The following MEN1 variants were observed in gnomAD, a reference collection of about 807,000 sequenced individuals.
MEN1 encodes the protein menin 1, also known as menin.
A neutral mutation model predicts 58.0 loss-of-function variants in MEN1; 6 were observed. The observed-to-expected ratio is 0.10, with a 90% CI of 0.06 to 0.20. The LOEUF is 0.20. Ranked by LOEUF, MEN1 falls within the 10% of genes least tolerant of loss-of-function variation. The pLI is 1.00. For missense variants in MEN1, 492 were observed against 818.5 expected (o/e 0.60, Z 4.87); for synonymous variants, 346 against 350.7 (o/e 0.99, Z 0.15).
In MEN1 at chr11:64,803,922, C is replaced by T. The variant is rs972128957; in HGVS notation, c.*412G>A. On this transcript the variant is annotated 3_prime_UTR_variant, in exon 10 of 10. Coordinates refer to ENST00000450708, the MANE Select transcript of MEN1 (RefSeq NM_001370259.2). ...GGCTGAGTGGTCCTAGGCTCCCGGGCTGGAGGTGGGACCTGTGCTCCTTGG... is the reference window on the plus strand; with the variant it reads ...GGCTGAGTGGTCCTAGGCTCCCGGGTTGGAGGTGGGACCTGTGCTCCTTGG... 6 of 335,130 alleles carry T rather than the reference C, an allele frequency of 1.8e-5. No homozygotes were observed. Among genetic ancestry groups the T allele is most frequent in the Non-Finnish European group, 3.4e-5 (6 of 177,574 alleles). The allele number at this position is 335,130 out of a possible 1,614,324, so 20.8% of individuals were successfully genotyped here. A position where few individuals can be genotyped will look rare whatever the true frequency, so the allele number is the denominator to read the frequency against.
Position 64,810,129 on chromosome 11 carries a change from C to T in MEN1, c.-20G>A, listed in dbSNP as rs386134244. 390 of 675,228 alleles carry T rather than the reference C, an allele frequency of 5.8e-4. 2 individuals are homozygous for T. The African/African-American group carries it at 6.9e-3, about 12-fold the overall frequency. The allele number at this position is 675,228 out of a possible 1,614,324, so 41.8% of individuals were successfully genotyped here. ...CCCCATGGCGGCGGGCGGTGGGCGG[C>T]GGCCTGCAAGGCAAGCCGGGGGAGG... On this transcript the variant is annotated 5_prime_UTR_variant, in exon 2 of 10. Transcript: ENST00000450708.
At chr11:64,810,601 A>C, upstream of MEN1, 1 of 156,252 alleles carries the variant, frequency 6.4e-6, no homozygotes, top group Admixed American at 6.3e-5. Context: ...GGGTCGCACT[A>C]CCCGCCGGGA....
rs200517349 is a variant in MEN1 at position 64,806,223 on chromosome 11, G to A, written c.1049+9C>T. 1,600 of 1,613,942 alleles carry A rather than the reference G, an allele frequency of 9.9e-4. No individual in the cohort carries two copies. Among genetic ancestry groups the A allele is most frequent in the Non-Finnish European group, 1.3e-3 (1,476 of 1,179,988 alleles). On this transcript the variant is annotated intron_variant, in intron 7 of 9. Coordinates refer to ENST00000450708, the MANE Select transcript of MEN1 (RefSeq NM_001370259.2). ...GACAGGCTGCAGGCCCTAGTAGGGG[G>A]ATCCTCACTCCTGGATGACAGTGGC...
chr11:64,806,600 C>T (rs1008675156), intron 6 of MEN1, among the ~76,000 whole-genome samples: 1 of 152,066 alleles, frequency 6.6e-6, no homozygotes, highest in Non-Finnish European at 1.5e-5. Flanking sequence ...GCCTGCCCTC[C>T]GAGCTCAGGG....
At position 64,810,149 on chromosome 11, in the gene MEN1, G is replaced by T; in HGVS notation, c.-23-17C>A. The stretch of plus-strand genomic sequence containing the variant: ...GGCGGCGGCCTGCAAGGCAAGCCGG[G>T]GGAGGGAGGGTCGGGCAGGTTCGGC... On this transcript the variant is annotated splice_polypyrimidine_tract_variant and intron_variant, in intron 1 of 9. Coordinates refer to ENST00000450708, the MANE Select transcript of MEN1 (RefSeq NM_001370259.2). 2.2e-6 allele frequency: 3 copies of T among 1,347,052 alleles called. No individual in the cohort carries two copies. The highest frequency in any genetic ancestry group is 1.3e-5 in the South Asian group (1 of 76,110). The allele number at this position is 1,347,052 out of a possible 1,614,324, so 83.4% of individuals were successfully genotyped here. A position where few individuals can be genotyped will look rare whatever the true frequency, so the allele number is the denominator to read the frequency against.
chr11:64,809,048 G>A (rs1941937296), intron 2 of MEN1, among the ~76,000 whole-genome samples: 3 of 151,526 alleles, frequency 2.0e-5, no homozygotes. Flanking sequence ...GATCACTTGA[G>A]CCCAAGAGTT....
Position 64,804,899 on chromosome 11 carries a change from C to G in MEN1, c.1351-83G>C. The G allele has an allele frequency of 6.3e-7, 1 of 1,596,080 alleles. No homozygotes were observed. Among genetic ancestry groups the G allele is most frequent in the East Asian group, 2.2e-5 (1 of 44,842 alleles). ...CAGGACCCTGCTCTGGCCATCCCAT[C>G]CCACCCAGGGGGTCTCAGTCCCATC... On this transcript the variant is annotated intron_variant, in intron 9 of 9. Transcript: ENST00000450708. The surrounding 1 kb of genome is among the most constrained non-coding windows in gnomAD (Gnocchi z 4.2).
At position 64,804,556 on chromosome 11, in the gene MEN1, C is replaced by T. The variant is rs1274582194; in HGVS notation, c.1611G>A (p.Val537=). 1 of 1,613,424 alleles carries T rather than the reference C, an allele frequency of 6.2e-7. No homozygotes were observed. Among genetic ancestry groups the T allele is most frequent in the Non-Finnish European group, 8.5e-7 (1 of 1,179,956 alleles). ...RGPEGGSTAQ[V]PAPTASPPPE... ...GCGGTGGTGATGCTGTGGGTGCTGG[C>T]ACCTGAGCCGTGCTGCCACCTTCAG... The change falls in exon 10 of 10, where the codon GTG becomes GTA. Residue 537 remains valine (V), a synonymous_variant. Transcript: ENST00000450708. The surrounding 1 kb of genome is among the most constrained non-coding windows in gnomAD (Gnocchi z 4.2).
chr11:64,803,942 C>T lies in MEN1; in HGVS notation c.*392G>A, dbSNP rs886048475. ...CCGGGCTGGAGGTGGGACCTGTGCT[C>T]CTTGGGTTAAGGGTGAAACCTCAGC... On this transcript the variant is annotated 3_prime_UTR_variant, in exon 10 of 10. Transcript: ENST00000450708. The T allele has an allele frequency of 2.7e-6, 1 of 363,858 alleles. No individual in the cohort carries two copies. Among genetic ancestry groups the T allele is most frequent in the South Asian group, 3.5e-5 (1 of 28,758 alleles). The allele number at this position is 363,858 out of a possible 1,614,324, so 22.5% of individuals were successfully genotyped here. A position where few individuals can be genotyped will look rare whatever the true frequency, so the allele number is the denominator to read the frequency against.
In MEN1 at chr11:64,807,243, T is replaced by C; in HGVS notation, c.784-24A>G. 6.2e-7 allele frequency: 1 copy of C among 1,610,672 alleles called. No individual in the cohort carries two copies. Among genetic ancestry groups the C allele is most frequent in the Non-Finnish European group, 8.5e-7 (1 of 1,179,330 alleles). ...TTCTAGGAGCCGAAGGAGAGAGTTA[T>C]GAGCCACGGAACAGGGAGGAGAACG... On this transcript the variant is annotated intron_variant, in intron 4 of 9. Coordinates refer to ENST00000450708, the MANE Select transcript of MEN1 (RefSeq NM_001370259.2). This position sits in a 1 kb window ranked among gnomAD's most constrained non-coding sequence, Gnocchi z 4.9.
Position 64,810,128 on chromosome 11 carries a change from GCGGCCTGCAAGGCAAGCC to G in MEN1, c.-23-14_-20del. 3.3e-6 allele frequency: 5 copies of G among 1,524,388 alleles called. No individual in the cohort carries two copies. The highest frequency in any genetic ancestry group is 2.2e-4 in the Middle Eastern group (1 of 4,610). The allele number at this position is 1,524,388 out of a possible 1,614,324, so 94.4% of individuals were successfully genotyped here. On this transcript the variant is annotated splice_acceptor_variant and splice_polypyrimidine_tract_variant and 5_prime_UTR_variant and intron_variant, in exon 2 of 10. Coordinates refer to ENST00000450708, the MANE Select transcript of MEN1 (RefSeq NM_001370259.2). LOFTEE classifies it low-confidence loss of function (5UTR_SPLICE). ...GCCCCATGGCGGCGGGCGGTGGGCG[GCGGCCTGCAAGGCAAGCC>G]GGGGGAGGGAGGGTCGGGCAGGTTC...
rs1941838507 is a variant in MEN1 at position 64,807,774 on chromosome 11, C to T, written c.655-94G>A. ...CAGGAAAAGGGGCTCTTCTGTCTTC[C>T]CTTCCTATGTGGGTGGTGATGGGAA... On this transcript the variant is annotated intron_variant, in intron 3 of 9. Transcript: ENST00000450708. This position sits in a 1 kb window ranked among gnomAD's most constrained non-coding sequence, Gnocchi z 4.9. 6.2e-7 allele frequency: 1 copy of T among 1,609,988 alleles called. No individual in the cohort carries two copies. Among genetic ancestry groups the T allele is most frequent in the Admixed American group, 1.7e-5 (1 of 59,574 alleles).
At chr11:64,806,743 T>C (rs979409054) in intron 6 of MEN1, among the ~76,000 whole-genome samples, 5 of 152,138 alleles carry the variant, frequency 3.3e-5, no homozygotes, top group Admixed American at 2.6e-4. Context: ...ATTTGACCTC[T>C]GTTATACTCC....
At position 64,805,701 on chromosome 11, in the gene MEN1, G is replaced by T. The variant is rs535417698; in HGVS notation, c.1119C>A (p.Pro373=). 55 of 1,614,192 alleles carry T rather than the reference G, an allele frequency of 3.4e-5. 1 individual carries two copies. The South Asian group carries it at 5.1e-4, about 15-fold the overall frequency. The change falls in exon 8 of 10, where the codon CCC becomes CCA. Residue 373 remains proline (P), a synonymous_variant. Coordinates refer to ENST00000450708, the MANE Select transcript of MEN1 (RefSeq NM_001370259.2). Reference sequence around the variant, plus strand: ...AGCTGGCTGCCTCCTTCAGCAGGTTGGGGATGACATCATTGGCTACTTCAA... The same window carrying T: ...AGCTGGCTGCCTCCTTCAGCAGGTTTGGGATGACATCATTGGCTACTTCAA... The part of the protein sequence containing the change: ...EFFEVANDVI[P]NLLKEAASLL...
At chr11:64,810,443 G>C (rs1399803797) in intron 1 of MEN1, 71 bp downstream of exon 1, 2 of 342,094 alleles carry the variant, frequency 5.8e-6, no homozygotes, top group African/African-American at 2.1e-5. Flanking sequence ...TGTAAAGTCT[G>C]TCCAGAAAGC....
upstream of MEN1, chr11:64,810,694 C>G (rs1363508847): frequency 6.5e-6 from 1 of 153,424 alleles, no homozygotes; most frequent in African/African-American, 2.4e-5. Flanking sequence ...TCTGGGATCT[C>G]TAGGTCCGCG....
At chr11:64,808,411 C>T (rs1239427921) in intron 2 of MEN1, among the ~76,000 whole-genome samples, 1 of 152,224 alleles carries the variant, frequency 6.6e-6, no homozygotes, top group African/African-American at 2.4e-5. Context: ...TTTTACTGCA[C>T]TTACTAGGTT....
chr11:64,810,137 A>C lies in MEN1; in HGVS notation c.-23-5T>G. 1 of 1,334,414 alleles carries C rather than the reference A, an allele frequency of 7.5e-7. No individual in the cohort carries two copies. Among genetic ancestry groups the C allele is most frequent in the Non-Finnish European group, 1.0e-6 (1 of 982,058 alleles). 82.7% of individuals were successfully genotyped at this position (1,334,414 alleles called of 1,614,324 possible). A position where few individuals can be genotyped will look rare whatever the true frequency, so the allele number is the denominator to read the frequency against. The stretch of plus-strand genomic sequence containing the variant: ...CGGCGGGCGGTGGGCGGCGGCCTGC[A>C]AGGCAAGCCGGGGGAGGGAGGGTCG... On this transcript the variant is annotated splice_region_variant and splice_polypyrimidine_tract_variant and intron_variant, in intron 1 of 9. Transcript: ENST00000450708.
intron 6 of MEN1, 121 bp downstream of exon 6, chr11:64,806,890 G>C: frequency 1.1e-6 from 1 of 883,600 alleles, no homozygotes; most frequent in South Asian, 1.4e-5. Context: ...TTGACACAAA[G>C]TGAGACTGGA....
Sources: gnomAD v4.1 joint callset for allele counts (sites outside exome capture counted in the v4.1 genomes callset) on GRCh38, gnomAD v4.1.1 for gene constraint, Gnocchi (gnomAD v3.1) non-coding constraint, MANE v1.5 for transcripts, NCBI Gene and HGNC (gene_info 2026-07-23, HGNC 2026-07-21) for gene names.